GCLC: variants seen among roughly 807,000 people sequenced by gnomAD.
The protein encoded by GCLC is glutamate-cysteine ligase catalytic subunit, also known as glutamate--cysteine ligase catalytic subunit.
Under a neutral mutation model 81.5 loss-of-function variants are expected in GCLC, and 30 were observed. The ratio of observed to expected loss-of-function variants is 0.37; its 90% CI spans 0.28 to 0.50. The LOEUF (loss-of-function observed/expected upper bound fraction) is 0.50. GCLC is among the 20% of genes least tolerant of loss of function. The pLI, the probability that GCLC is intolerant of heterozygous loss-of-function variation, is 0.96. For missense variants in GCLC, 556 were observed against 777.4 expected (o/e 0.72, Z 3.39); for synonymous variants, 262 against 273.3 (o/e 0.96, Z 0.41).
At chr6:53,500,926 G>GT (rs1188735725) in intron 12 of GCLC, 8 of 309,310 alleles carry the variant, frequency 2.6e-5, no homozygotes, top group Admixed American at 9.9e-5. Context: ...TTCTTCTTCT[G>GT]TTTTTTTGAG....
At chr6:53,514,635 C>A in intron 4 of GCLC, 138 bp from the exon 5 acceptor site, 1 of 750,222 alleles carries the variant, frequency 1.3e-6, no homozygotes, top group East Asian at 2.6e-5. Context: ...GAAAATGTAT[C>A]TGTGGTGTCA....
chr6:53,505,586 C>T lies in GCLC; in HGVS notation c.1291-90G>A, dbSNP rs1013680510. 1.1e-5 allele frequency: 9 copies of T among 798,658 alleles called. No homozygotes were observed. In the African/African-American group the frequency reaches 1.4e-4, roughly 12 times the overall value. The allele number at this position is 798,658 out of a possible 1,614,324, so 49.5% of individuals were successfully genotyped here. Reference sequence around the variant, plus strand: ...GGCCCTTCCTCAGATCATGTCATTCCCAAGCCATCTCCTAATTCCCCATCT... The same window carrying T: ...GGCCCTTCCTCAGATCATGTCATTCTCAAGCCATCTCCTAATTCCCCATCT... On this transcript the variant is annotated intron_variant, in intron 11 of 15. Transcript: ENST00000650454.
rs1764433938 is a variant in GCLC at position 53,498,797 on chromosome 6, T to C, written c.1873A>G (p.Lys625Glu). The stretch of plus-strand genomic sequence containing the variant: ...GTTTTACTTCCACTATATTTTACTT[T>C]CCTAAATGCTGATCCAAGTAACTCT... ...CPELLGSAFR[K>E]VKYSGSKTDS... The change falls in exon 16 of 16, where the codon AAA becomes GAA. Residue 625 changes from lysine to glutamate, a missense_variant. Lys to Glu is a moderately conservative substitution (Grantham distance 56). Transcript: ENST00000650454. 6.2e-7 allele frequency: 1 copy of C among 1,613,310 alleles called. No homozygotes were observed. The highest frequency in any genetic ancestry group is 1.3e-5 in the African/African-American group (1 of 74,914).
chr6:53,531,459 C>T (rs1763171007), intron 1 of GCLC, among the ~76,000 whole-genome samples: 1 of 152,144 alleles, frequency 6.6e-6, no homozygotes, highest in South Asian at 2.1e-4. Context: ...GGTCAAGTCA[C>T]TCTCCTTGAA....
At chr6:53,511,797 T>C (rs992376495) in intron 6 of GCLC, among the ~76,000 whole-genome samples, 1 of 86,594 alleles carries the variant, frequency 1.2e-5, no homozygotes, top group Non-Finnish European at 2.2e-5. Context: ...CTGATGGGGG[T>C]GGGGTTGGGG....
chr6:53,516,167 C>T lies in GCLC; in HGVS notation c.502G>A (p.Gly168Arg). ...PEVKPNPVEG[G>R]ASKSLFFPDE... ...GGAAAGAAGAGGGACTTGGAAGCTCCTCCTTCCACTGGGTTGGGTTTGACC... is the reference window on the plus strand; with the variant it reads ...GGAAAGAAGAGGGACTTGGAAGCTCTTCCTTCCACTGGGTTGGGTTTGACC... Residue 168 changes from glycine (G) to arginine (R), a missense_variant, in exon 4 of 16, where the codon GGA (glycine) becomes AGA (arginine). By Grantham distance (125) the Gly-to-Arg change is moderately radical (BLOSUM62 -2). Transcript: ENST00000650454. The T allele has an allele frequency of 6.2e-7, 1 of 1,613,770 alleles. No individual in the cohort carries two copies. The highest frequency in any genetic ancestry group is 8.5e-7 in the Non-Finnish European group (1 of 1,179,696).
intron 1 of GCLC, among the ~76,000 whole-genome samples, chr6:53,540,759 C>T (rs1426764325): frequency 6.6e-6 from 1 of 151,644 alleles, no homozygotes; most frequent in Non-Finnish European, 1.5e-5. Flanking sequence ...TGAATCATGA[C>T]CTGCAGTCTG....
In GCLC at chr6:53,514,527, G is replaced by T. The variant is rs760794945; in HGVS notation, c.561-30C>A. Reference sequence around the variant, plus strand: ...AACAGACAACCAAACGTCATAAATTGGTCACCTAAGAGTCATCGTGTAAAA... The same window carrying T: ...AACAGACAACCAAACGTCATAAATTTGTCACCTAAGAGTCATCGTGTAAAA... On this transcript the variant is annotated intron_variant, in intron 4 of 15. Coordinates refer to ENST00000650454, the MANE Select transcript of GCLC (RefSeq NM_001498.4). 9 of 1,527,544 alleles carry T rather than the reference G, an allele frequency of 5.9e-6. 1 individual carries two copies. In the South Asian group the frequency reaches 9.0e-5, roughly 15 times the overall value. 94.6% of individuals were successfully genotyped at this position (1,527,544 alleles called of 1,614,324 possible). A position where few individuals can be genotyped will look rare whatever the true frequency, so the allele number is the denominator to read the frequency against.
At chr6:53,535,764 G>A (rs1268328914) in intron 1 of GCLC, among the ~76,000 whole-genome samples, 2 of 152,000 alleles carry the variant, frequency 1.3e-5, no homozygotes, top group Admixed American at 6.6e-5. Flanking sequence ...ATACAACAAC[G>A]TACCACCACA....
rs10588842 is a variant in GCLC at position 53,538,136 on chromosome 6, CTTTTTT to C, written c.150+6354_150+6359del. ...AGCTAGGCATTTTCTTTTTTCTTTCCTTTTTTTTTTTTTTTTTTTTTTTTTTTAAAG... is the reference window on the plus strand; with the variant it reads ...AGCTAGGCATTTTCTTTTTTCTTTCCTTTTTTTTTTTTTTTTTTTTTAAAG... On this transcript the variant is annotated intron_variant, in intron 1 of 15. Coordinates refer to ENST00000650454, the MANE Select transcript of GCLC (RefSeq NM_001498.4). Among the ~76,000 whole-genome samples the C allele has an allele frequency of 4.2e-3, 333 of 78,906 alleles. 1 individual carries two copies. The highest frequency in any genetic ancestry group is 0.016 in the African/African-American group (314 of 19,126). The allele number at this position is 78,906 out of a possible 152,430, so 51.8% of individuals were successfully genotyped here.
chr6:53,516,973 G>A (rs1480057716), intron 3 of GCLC, among the ~76,000 whole-genome samples: 1 of 151,976 alleles, frequency 6.6e-6, no homozygotes, highest in Non-Finnish European at 1.5e-5. Context: ...TGTGCTGTGA[G>A]GGAGGACAAA....
Position 53,498,654 on chromosome 6 carries a change from A to C in GCLC, c.*102T>G. 1 of 815,008 alleles carries C rather than the reference A, an allele frequency of 1.2e-6. No homozygotes were observed. Among genetic ancestry groups the C allele is most frequent in the Non-Finnish European group, 2.2e-6 (1 of 460,416 alleles). 50.5% of individuals were successfully genotyped at this position (815,008 alleles called of 1,614,324 possible). ...CTGGCTCACTGGCCCAGAAAACAGT[A>C]CAGTTCTATCATTTGGTCTTCATAT... On this transcript the variant is annotated 3_prime_UTR_variant, in exon 16 of 16. Coordinates refer to ENST00000650454, the MANE Select transcript of GCLC (RefSeq NM_001498.4).
intron 6 of GCLC, 86 bp from the exon 7 acceptor site, chr6:53,509,336 CAG>C (rs1764688136): frequency 1.2e-6 from 1 of 812,930 alleles, no homozygotes; most frequent in Non-Finnish European, 2.2e-6. Flanking sequence ...AGGTGCTGGG[CAG>C]AGAGGGGCAA....
chr6:53,530,422 T>C (rs568245664), intron 1 of GCLC, among the ~76,000 whole-genome samples: 37 of 152,324 alleles, frequency 2.4e-4, no homozygotes, highest in African/African-American at 8.4e-4. Context: ...CCCTGCCATA[T>C]TTGAAATTCA....
chr6:53,541,863 T>C (rs1322218701), intron 1 of GCLC, among the ~76,000 whole-genome samples: 21 of 152,100 alleles, frequency 1.4e-4, no homozygotes, highest in Admixed American at 1.4e-3. Context: ...AAGAGCAGTG[T>C]TATCAAATCT....
At chr6:53,544,406 G>A (rs1763410407) in intron 1 of GCLC, 90 bp downstream of exon 1, 5 of 1,401,638 alleles carry the variant, frequency 3.6e-6, no homozygotes, top group Admixed American at 3.7e-5. Context: ...AACGCGGACC[G>A]CGATAGGGCC....
chr6:53,513,335 A>G (rs1391513118), intron 6 of GCLC: 1 of 152,252 alleles, frequency 6.6e-6, no homozygotes, highest in Non-Finnish European at 1.5e-5. Context: ...GCTGTTTTGA[A>G]TCAGCTGAAG....
At position 53,498,448 on chromosome 6, in the gene GCLC, C is replaced by A; in HGVS notation, c.*308G>T. The stretch of plus-strand genomic sequence containing the variant: ...TGCAAGTATTGTACAATTACCAGTA[C>A]ATTTACAAAACTGCTTAGACAGTAG... On this transcript the variant is annotated 3_prime_UTR_variant, in exon 16 of 16. Coordinates refer to ENST00000650454, the MANE Select transcript of GCLC (RefSeq NM_001498.4). 1 of 323,816 alleles carries A rather than the reference C, an allele frequency of 3.1e-6. No individual in the cohort carries two copies. The highest frequency in any genetic ancestry group is 5.7e-6 in the Non-Finnish European group (1 of 174,448). 20.1% of individuals were successfully genotyped at this position (323,816 alleles called of 1,614,324 possible).
chr6:53,526,300 C>T (rs544837168), intron 1 of GCLC, among the ~76,000 whole-genome samples: 3 of 152,128 alleles, frequency 2.0e-5, no homozygotes, highest in South Asian at 2.1e-4. Flanking sequence ...TTAACTGAGG[C>T]GATGTAAGTA....
Sources: allele counts gnomAD v4.1 joint callset (sites outside exome capture counted in the v4.1 genomes callset), GRCh38; gene constraint gnomAD v4.1.1; transcripts MANE v1.5; gene names NCBI Gene and HGNC (gene_info 2026-07-23, HGNC 2026-07-21).